The following RAB3C variants were observed in gnomAD, a reference collection of about 807,000 sequenced individuals.
RAB3C encodes the protein ras-related protein Rab-3C.
RAB3C carries 17 observed loss-of-function variants against 26.4 expected under a neutral mutation model. The ratio of observed to expected loss-of-function variants is 0.64; its 90% CI spans 0.44 to 0.97. The LOEUF is 0.97. RAB3C is among the 50% of genes least tolerant of loss of function. RAB3C has a pLI of 0.00. For missense variants in RAB3C, 242 were observed against 281.9 expected (o/e 0.86, Z 1.01); for synonymous variants, 91 against 95.9 (o/e 0.95, Z 0.30).
chr5:58,642,972 T>C (rs1258629498), intron 2 of RAB3C, among the ~76,000 whole-genome samples: 4 of 152,200 alleles, frequency 2.6e-5, no homozygotes, highest in Non-Finnish European at 4.4e-5. Flanking sequence ...ATGTGATGAA[T>C]TGAAAGGTAG....
chr5:58,638,478 T>C (rs1747334550), intron 2 of RAB3C, among the ~76,000 whole-genome samples: 1 of 152,190 alleles, frequency 6.6e-6, no homozygotes, highest in Admixed American at 6.5e-5. Flanking sequence ...TCAATTATTT[T>C]CTTAAAAATA....
intron 3 of RAB3C, among the ~76,000 whole-genome samples, chr5:58,762,214 C>T (rs1454500643): frequency 6.6e-6 from 1 of 152,124 alleles, no homozygotes; most frequent in Non-Finnish European, 1.5e-5. Context: ...CAGCACATTG[C>T]AATTTGGACA....
intron 3 of RAB3C, among the ~76,000 whole-genome samples, chr5:58,726,603 C>T (rs1022241364): frequency 5.3e-5 from 8 of 151,742 alleles, no homozygotes; most frequent in East Asian, 1.9e-4. Context: ...ACCATATTGC[C>T]GGTAAAGCCT....
chr5:58,719,550 A>G (rs988602952), intron 2 of RAB3C, among the ~76,000 whole-genome samples: 2 of 151,938 alleles, frequency 1.3e-5, no homozygotes, highest in Non-Finnish European at 2.9e-5. Flanking sequence ...TATAACAAAG[A>G]GGCACAAACT....
At chr5:58,783,630 G>A (rs1041354174) in intron 3 of RAB3C, among the ~76,000 whole-genome samples, 2 of 152,132 alleles carry the variant, frequency 1.3e-5, no homozygotes, top group Non-Finnish European at 2.9e-5. Flanking sequence ...ACTTGCTCTG[G>A]ATCAAATACT....
chr5:58,600,878 G>A lies in RAB3C; in HGVS notation c.25-16765G>A, dbSNP rs553371226. Among the ~76,000 whole-genome samples the A allele has an allele frequency of 5.9e-5, 9 of 152,030 alleles. No individual in the cohort carries two copies. In the East Asian group the frequency reaches 1.7e-3, roughly 29 times the overall value. Reference sequence around the variant, plus strand: ...TACTTTGGGATCAGACTTTCAATACGATGTTGAAGAGGAGTGGTGAGAGTG... The same window carrying A: ...TACTTTGGGATCAGACTTTCAATACAATGTTGAAGAGGAGTGGTGAGAGTG... On this transcript the variant is annotated intron_variant, in intron 1 of 4. Coordinates refer to ENST00000282878, the MANE Select transcript of RAB3C (RefSeq NM_138453.4).
intron 3 of RAB3C, among the ~76,000 whole-genome samples, chr5:58,746,210 T>C (rs780355443): frequency 6.6e-6 from 1 of 152,234 alleles, no homozygotes; most frequent in Non-Finnish European, 1.5e-5. Context: ...GTTCCTTTGC[T>C]GAAGCAAAGG....
At chr5:58,643,612 G>T (rs1579833752) in intron 2 of RAB3C, among the ~76,000 whole-genome samples, 3 of 152,090 alleles carry the variant, frequency 2.0e-5, no homozygotes, top group Non-Finnish European at 2.9e-5. Context: ...GGAGGTGAAG[G>T]TTCCAGTGAG....
At chr5:58,735,845 C>A (rs1301361242) in intron 3 of RAB3C, among the ~76,000 whole-genome samples, 1 of 152,160 alleles carries the variant, frequency 6.6e-6, no homozygotes, top group African/African-American at 2.4e-5. Context: ...AGGATCCCAG[C>A]AGACTGCCAG....
chr5:58,608,096 T>A (rs1746611085), intron 1 of RAB3C, among the ~76,000 whole-genome samples: 1 of 152,150 alleles, frequency 6.6e-6, no homozygotes, highest in East Asian at 1.9e-4. Flanking sequence ...TAACCTTAAA[T>A]GTAAATGGGC....
chr5:58,809,000 A>G (rs2112036772), intron 3 of RAB3C, among the ~76,000 whole-genome samples: 1 of 152,348 alleles, frequency 6.6e-6, no homozygotes, highest in Admixed American at 6.5e-5. Context: ...TTGCATTAAC[A>G]TAAGATGATA....
intron 2 of RAB3C, among the ~76,000 whole-genome samples, chr5:58,683,432 C>T (rs773563780): frequency 6.6e-6 from 1 of 152,020 alleles, no homozygotes; most frequent in East Asian, 1.9e-4. Context: ...GTTATGTACA[C>T]GTCTGCATTT....
chr5:58,618,724 G>A (rs1288217000), intron 2 of RAB3C, among the ~76,000 whole-genome samples: 4 of 152,158 alleles, frequency 2.6e-5, no homozygotes, highest in Admixed American at 6.6e-5. Flanking sequence ...TATGGACATC[G>A]TAATATGTAC....
At chr5:58,713,820 G>A (rs751494015) in intron 2 of RAB3C, among the ~76,000 whole-genome samples, 8 of 152,064 alleles carry the variant, frequency 5.3e-5, no homozygotes, top group Non-Finnish European at 1.2e-4. Flanking sequence ...GGACATTCTT[G>A]GGCAAACTAG....
At chr5:58,732,186 T>G (rs1181822268) in intron 3 of RAB3C, among the ~76,000 whole-genome samples, 1 of 151,640 alleles carries the variant, frequency 6.6e-6, no homozygotes, top group East Asian at 1.9e-4. Context: ...GTGCCATGAA[T>G]TTTAAAGCTT....
chr5:58,612,340 G>T (rs1015243859), intron 1 of RAB3C, among the ~76,000 whole-genome samples: 28 of 151,656 alleles, frequency 1.8e-4, no homozygotes, highest in African/African-American at 6.8e-4. Context: ...CCATTTTAAT[G>T]ATATTGCTTC....
intron 3 of RAB3C, among the ~76,000 whole-genome samples, chr5:58,797,351 AAAATATG>A (rs1229361191): frequency 9.1e-5 from 2 of 22,068 alleles, no homozygotes; most frequent in African/African-American, 6.1e-4. Flanking sequence ...AAAAAAAAAA[AAAATATG>A]TATATATATA....
chr5:58,845,962 A>C (rs553997136), intron 4 of RAB3C, among the ~76,000 whole-genome samples: 1 of 151,790 alleles, frequency 6.6e-6, no homozygotes, highest in South Asian at 2.1e-4. Context: ...CTCATATGAG[A>C]TATGGTCCTT....
chr5:58,783,221 C>T (rs906822153), intron 3 of RAB3C, among the ~76,000 whole-genome samples: 2 of 151,972 alleles, frequency 1.3e-5, no homozygotes, highest in Admixed American at 6.6e-5. Flanking sequence ...AAGAAAATGC[C>T]CCATGAGATA....
Sources: allele counts gnomAD v4.1 joint callset (sites outside exome capture counted in the v4.1 genomes callset), GRCh38; gene constraint gnomAD v4.1.1; transcripts MANE v1.5; gene names NCBI Gene and HGNC (gene_info 2026-07-23, HGNC 2026-07-21).